RHBDD1: variants seen among roughly 807,000 people sequenced by gnomAD.
RHBDD1 encodes the protein rhomboid-related protein 4.
Under a neutral mutation model 36.3 loss-of-function variants are expected in RHBDD1, and 38 were observed. That is an observed-to-expected ratio of 1.05 (90% CI 0.81 to 1.37). The LOEUF (loss-of-function observed/expected upper bound fraction) is 1.37. Ranked by LOEUF, RHBDD1 falls within the 40% of genes most tolerant of loss-of-function variation. The pLI is 0.00. For missense variants in RHBDD1, 393 were observed against 377.6 expected, an observed-to-expected ratio of 1.04 and a Z score of -0.34; for synonymous variants, 151 against 136.5, an observed-to-expected ratio of 1.11 and a Z score of -0.74.
intron 5 of RHBDD1, among the ~76,000 whole-genome samples, chr2:226,869,518 T>C (rs1944614420): frequency 1.3e-5 from 2 of 152,188 alleles, no homozygotes; most frequent in South Asian, 2.1e-4. Context: ...AGAACAAAGC[T>C]TGCTTTATTG....
the RHBDD1 span, among the ~76,000 whole-genome samples, chr2:226,806,633 G>A: frequency 0.024 from 3,716 of 152,146 alleles, 155 homozygotes; most frequent in African/African-American, 0.084. Context: ...ACATCAGTGC[G>A]CACACACACA....
intron 8 of RHBDD1, among the ~76,000 whole-genome samples, chr2:226,926,392 T>C (rs1949674193): frequency 6.6e-6 from 1 of 152,206 alleles, no homozygotes; most frequent in Non-Finnish European, 1.5e-5. Context: ...AAGGTTCTGA[T>C]GTTGCATTTG....
At chr2:226,877,313 T>C (rs953906569) in intron 5 of RHBDD1, among the ~76,000 whole-genome samples, 4 of 152,234 alleles carry the variant, frequency 2.6e-5, no homozygotes, top group African/African-American at 4.8e-5. Context: ...TTATGTAGAC[T>C]TTGTAAATAT....
intron 8 of RHBDD1, among the ~76,000 whole-genome samples, chr2:226,953,567 A>G (rs529241039): frequency 1.3e-5 from 2 of 152,280 alleles, no homozygotes; most frequent in Non-Finnish European, 2.9e-5. Flanking sequence ...CTCCCCATTC[A>G]AAGCTGTTTC....
intron 8 of RHBDD1, chr2:226,988,338 CA>C: frequency 6.5e-7 from 1 of 1,549,292 alleles, no homozygotes; most frequent in Non-Finnish European, 8.7e-7. Context: ...GCAGGAAAAC[CA>C]GGTCATAAAG....
intron 7 of RHBDD1, among the ~76,000 whole-genome samples, chr2:226,912,141 A>G (rs1948563897): frequency 6.6e-6 from 1 of 152,180 alleles, no homozygotes; most frequent in Non-Finnish European, 1.5e-5. Context: ...TTAGTCATCA[A>G]AACCACAGTG....
At chr2:226,898,920 C>T (rs1947355611) in intron 5 of RHBDD1, among the ~76,000 whole-genome samples, 1 of 152,224 alleles carries the variant, frequency 6.6e-6, no homozygotes, top group African/African-American at 2.4e-5. Context: ...AACACTGTGT[C>T]TCCAAGTTGC....
intron 8 of RHBDD1, among the ~76,000 whole-genome samples, chr2:226,986,245 A>G (rs1387459815): frequency 1.3e-5 from 2 of 152,244 alleles, no homozygotes; most frequent in African/African-American, 4.8e-5. Context: ...CTTGGTAACA[A>G]AATGTACTGT....
intron 8 of RHBDD1, among the ~76,000 whole-genome samples, chr2:226,934,959 A>G: frequency 6.6e-6 from 1 of 151,738 alleles, no homozygotes; most frequent in East Asian, 1.9e-4. Context: ...CAGCATGGGT[A>G]CTGGTTGAAG....
At chr2:226,840,220 C>T (rs867246430) in intron 3 of RHBDD1, among the ~76,000 whole-genome samples, 10 of 152,062 alleles carry the variant, frequency 6.6e-5, no homozygotes, top group African/African-American at 2.4e-5. Flanking sequence ...GGTGATATTT[C>T]AAAGCCCATA....
chr2:226,896,478 A>G lies in RHBDD1; in HGVS notation c.567-10315A>G, dbSNP rs1184130683. ...CAGTCCTATCAAGATCTGTTGTAGT[A>G]GTATTAATATTTCTGTAATCCACTG... is the stretch of plus-strand genomic sequence containing the variant. On this transcript the variant is annotated intron_variant, in intron 5 of 8. Transcript: ENST00000392062. 3.9e-5 allele frequency among the ~76,000 whole-genome samples: 6 copies of G among 152,186 alleles called. No individual in the cohort carries two copies. In the East Asian group the frequency reaches 1.2e-3, roughly 29 times the overall value.
intron 3 of RHBDD1, among the ~76,000 whole-genome samples, chr2:226,861,939 C>T (rs999227989): frequency 1.3e-5 from 2 of 152,048 alleles, no homozygotes; most frequent in African/African-American, 2.4e-5. Context: ...AATATAGAAA[C>T]GGGTTGTGCT....
At chr2:226,956,507 C>T (rs140868903) in intron 8 of RHBDD1, among the ~76,000 whole-genome samples, 8 of 152,306 alleles carry the variant, frequency 5.3e-5, no homozygotes, top group African/African-American at 1.9e-4. Context: ...GGGTGTAGGT[C>T]ACACATTCTG....
intron 5 of RHBDD1, among the ~76,000 whole-genome samples, chr2:226,879,705 A>T (rs1186002917): frequency 6.6e-6 from 1 of 152,248 alleles, no homozygotes; most frequent in African/African-American, 2.4e-5. Context: ...TAGAAAATAA[A>T]AACCAATGGA....
the RHBDD1 span, among the ~76,000 whole-genome samples, chr2:226,813,672 A>G: frequency 1.3e-5 from 2 of 152,238 alleles, no homozygotes; most frequent in African/African-American, 4.8e-5. Context: ...TAAGATAGGA[A>G]TAGTAATAGT....
At chr2:226,867,057 G>A (rs1944404052) in intron 4 of RHBDD1, 129 bp from the exon 5 acceptor site, 2 of 855,344 alleles carry the variant, frequency 2.3e-6, no homozygotes, top group Admixed American at 2.8e-5. Flanking sequence ...TAAGGAATAG[G>A]GTATGTTTTA....
intron 8 of RHBDD1, among the ~76,000 whole-genome samples, chr2:226,950,588 T>G (rs1161432396): frequency 1.3e-5 from 2 of 152,168 alleles, no homozygotes; most frequent in Non-Finnish European, 2.9e-5. Context: ...TGTACCAACT[T>G]ATATTCCCAC....
At chr2:226,983,063 C>T (rs1956137463) in intron 8 of RHBDD1, among the ~76,000 whole-genome samples, 1 of 152,212 alleles carries the variant, frequency 6.6e-6, no homozygotes, top group African/African-American at 2.4e-5. Flanking sequence ...AAACCAAATG[C>T]CATGCTAGTG....
chr2:226,802,275 A>T, the RHBDD1 span, among the ~76,000 whole-genome samples: 1 of 152,228 alleles, frequency 6.6e-6, no homozygotes, highest in Non-Finnish European at 1.5e-5. Flanking sequence ...ATTATGAAAT[A>T]AGCCTCACTG....
Sources: allele counts gnomAD v4.1 joint callset (sites outside exome capture counted in the v4.1 genomes callset), GRCh38; gene constraint gnomAD v4.1.1; transcripts MANE v1.5; gene names NCBI Gene and HGNC (gene_info 2026-07-23, HGNC 2026-07-21).